PPP1R18: variants seen among roughly 807,000 people sequenced by gnomAD.
PPP1R18 encodes the protein protein phosphatase 1 regulatory subunit 18.
In PPP1R18, 31 loss-of-function variants were observed where a neutral mutation model predicts 54.8. The ratio of observed to expected loss-of-function variants is 0.57; its 90% confidence interval spans 0.43 to 0.76. The LOEUF is 0.76. PPP1R18 is among the 30% of genes least tolerant of loss of function. The probability of loss-of-function intolerance (pLI) is 0.00; values close to 1 mark genes in which losing one functional copy is unlikely to be tolerated. For synonymous variants in PPP1R18, 310 were observed against 320.2 expected, an observed-to-expected ratio of 0.97 and a Z score of 0.34; for missense variants, 685 against 776.1, an observed-to-expected ratio of 0.88 and a Z score of 1.39.
Position 30,686,249 on chromosome 6 carries a change from G to T in PPP1R18, c.-231C>A. ...GAAGAGAAGTTGTGAGCCCAAGTTG[G>T]GGGTGGTGGGGGTGATGTGAGAGGA... On this transcript the variant is annotated 5_prime_UTR_variant, in exon 1 of 3. Transcript: ENST00000274853. 1.9e-6 allele frequency: 1 copy of T among 523,754 alleles called. No individual in the cohort carries two copies. 32.4% of individuals were successfully genotyped at this position (523,754 alleles called of 1,614,324 possible).
At chr6:30,679,043 A>T in intron 2 of PPP1R18, 136 bp downstream of exon 2, 1 of 622,164 alleles carries the variant, frequency 1.6e-6, no homozygotes, top group Non-Finnish European at 2.7e-6. Context: ...CCCATCTGTT[A>T]AAGGAGCATG....
rs1026229572 is a variant in PPP1R18 at position 30,686,641 on chromosome 6, A to AG, written c.-624dup. On this transcript the variant is annotated 5_prime_UTR_variant, in exon 1 of 3. Coordinates refer to ENST00000274853, the MANE Select transcript of PPP1R18 (RefSeq NM_133471.4). Reference sequence around the variant, plus strand: ...CGGCGGCAGCAGCCGGGCGCGTCTCAGCGCGGGCCCCAAAGGTCCCGGCTC... The same window carrying AG: ...CGGCGGCAGCAGCCGGGCGCGTCTCAGGCGCGGGCCCCAAAGGTCCCGGCTC... 2 of 154,398 alleles carry AG rather than the reference A, an allele frequency of 1.3e-5. No homozygotes were observed. The highest frequency in any genetic ancestry group is 2.9e-5 in the Non-Finnish European group (2 of 69,832). The allele number at this position is 154,398 out of a possible 1,614,324, so 9.6% of individuals were successfully genotyped here.
chr6:30,678,756 C>T (rs1465842507), intron 2 of PPP1R18, among the ~76,000 whole-genome samples: 1 of 152,142 alleles, frequency 6.6e-6, no homozygotes, highest in Non-Finnish European at 1.5e-5. Context: ...AACTCCTGGG[C>T]TCAAGCGATC....
At position 30,685,101 on chromosome 6, in the gene PPP1R18, G is replaced by C; in HGVS notation, c.918C>G (p.Asn306Lys). The change falls in exon 1 of 3, where the codon AAC (asparagine) becomes AAG (lysine). Residue 306 changes from asparagine (N) to lysine (K), a missense_variant. By Grantham distance (94) the Asn-to-Lys change is moderately conservative (BLOSUM62 0). Coordinates refer to ENST00000274853, the MANE Select transcript of PPP1R18 (RefSeq NM_133471.4). This position sits in a 1 kb window ranked among gnomAD's most constrained non-coding sequence, Gnocchi z 5.0. ...SETLTREAQG[N>K]SSAGVEAAEQ... is the part of the protein sequence containing the mutation. ...CTGCTGCCTCCACTCCTGCGGAACTGTTGCCTTGGGCCTCCCTTGTCAGGG... is the reference window on the plus strand; with the variant it reads ...CTGCTGCCTCCACTCCTGCGGAACTCTTGCCTTGGGCCTCCCTTGTCAGGG... The C allele has an allele frequency of 6.2e-7, 1 of 1,613,172 alleles. No homozygotes were observed. Among genetic ancestry groups the C allele is most frequent in the Non-Finnish European group, 8.5e-7 (1 of 1,180,022 alleles).
In PPP1R18 at chr6:30,677,170, G is replaced by A; in HGVS notation, c.*99C>T. 2 of 1,186,420 alleles carry A rather than the reference G, an allele frequency of 1.7e-6. No homozygotes were observed. Among genetic ancestry groups the A allele is most frequent in the Non-Finnish European group, 1.3e-6 (1 of 791,494 alleles). 73.5% of individuals were successfully genotyped at this position (1,186,420 alleles called of 1,614,324 possible). On this transcript the variant is annotated 3_prime_UTR_variant, in exon 3 of 3. Coordinates refer to ENST00000274853, the MANE Select transcript of PPP1R18 (RefSeq NM_133471.4). ...TACAAGATGTTGGTTGCCCTTCCCTGCCAGGCTCATTATCAGGGTCTGTCT... is the reference window on the plus strand; with the variant it reads ...TACAAGATGTTGGTTGCCCTTCCCTACCAGGCTCATTATCAGGGTCTGTCT...
Position 30,677,185 on chromosome 6 carries a change from A to G in PPP1R18, c.*84T>C. On this transcript the variant is annotated 3_prime_UTR_variant, in exon 3 of 3. Transcript: ENST00000274853. ...GCCCTTCCCTGCCAGGCTCATTATC[A>G]GGGTCTGTCTGCCCTGAATCTTCCG... is the stretch of plus-strand genomic sequence containing the variant. 1.5e-6 allele frequency: 2 copies of G among 1,294,986 alleles called. No homozygotes were observed. Among genetic ancestry groups the G allele is most frequent in the Non-Finnish European group, 2.2e-6 (2 of 890,144 alleles). The allele number at this position is 1,294,986 out of a possible 1,614,324, so 80.2% of individuals were successfully genotyped here.
intron 1 of PPP1R18, among the ~76,000 whole-genome samples, chr6:30,680,211 A>G (rs1408420983): frequency 6.6e-6 from 1 of 151,682 alleles, no homozygotes; most frequent in Non-Finnish European, 1.5e-5. Flanking sequence ...GGCACAGAAA[A>G]CCCTTGGTAA....
chr6:30,679,184 A>G lies in PPP1R18; in HGVS notation c.1817T>C (p.Ile606Thr). 4 of 1,596,152 alleles carry G rather than the reference A, an allele frequency of 2.5e-6. No homozygotes were observed. The highest frequency in any genetic ancestry group is 3.4e-6 in the Non-Finnish European group (4 of 1,175,822). ...LQGGLRTKAL[I>T]VDESCRR ...CCGGCGGAGCCTCCGCTTACCCACAATCAGGGCCTTGGTGCGCAGCCCGCC... is the reference window on the plus strand; with the variant it reads ...CCGGCGGAGCCTCCGCTTACCCACAGTCAGGGCCTTGGTGCGCAGCCCGCC... The change falls in exon 2 of 3, where the codon ATT (isoleucine) becomes ACT (threonine). Residue 606 changes from isoleucine (I) to threonine (T), a missense_variant. Transcript: ENST00000274853.
In PPP1R18 at chr6:30,676,676, G is replaced by A. The variant is rs1770199148; in HGVS notation, c.*593C>T. On this transcript the variant is annotated 3_prime_UTR_variant, in exon 3 of 3. Transcript: ENST00000274853. The stretch of plus-strand genomic sequence containing the variant: ...TTCAGGTCACTCCAATGAGGAGACT[G>A]GAGGGGACAGAGGAGAGAATTCCAC... 5.2e-6 allele frequency: 1 copy of A among 192,066 alleles called. No individual in the cohort carries two copies. The highest frequency in any genetic ancestry group is 2.4e-5 in the African/African-American group (1 of 41,596). 11.9% of individuals were successfully genotyped at this position (192,066 alleles called of 1,614,324 possible).
Position 30,684,300 on chromosome 6 carries a change from A to G in PPP1R18, c.1611+108T>C. 3.5e-6 allele frequency: 4 copies of G among 1,145,396 alleles called. No individual in the cohort carries two copies. The South Asian group carries it at 6.8e-5, about 19-fold the overall frequency. 71.0% of individuals were successfully genotyped at this position (1,145,396 alleles called of 1,614,324 possible). ...AGGGTGGTGGCAGGAATTAACAAGA[A>G]AGAATAGAGGAAGACAAGAAAACAG... On this transcript the variant is annotated intron_variant, in intron 1 of 2. Coordinates refer to ENST00000274853, the MANE Select transcript of PPP1R18 (RefSeq NM_133471.4). This position sits in a 1 kb window ranked among gnomAD's most constrained non-coding sequence, Gnocchi z 6.0.
upstream of PPP1R18, chr6:30,687,535 T>C (rs1167652446): frequency 6.6e-6 from 1 of 152,446 alleles, no homozygotes. This position sits in a 1 kb window ranked among gnomAD's most constrained non-coding sequence, Gnocchi z 7.9. Context: ...CGGTGGCCCG[T>C]GACTCAGGCC....
chr6:30,679,540 T>G, intron 1 of PPP1R18, 151 bp from the exon 2 acceptor site: 4 of 561,972 alleles, frequency 7.1e-6, no homozygotes, highest in Admixed American at 3.3e-5. Flanking sequence ...TGGACTCAGG[T>G]GCCCCACTCA....
intron 1 of PPP1R18, among the ~76,000 whole-genome samples, chr6:30,680,700 G>T (rs927360349): frequency 6.6e-6 from 1 of 151,934 alleles, no homozygotes; most frequent in Non-Finnish European, 1.5e-5. Flanking sequence ...TGACACCTGG[G>T]TCCCCATGGG....
At chr6:30,680,568 C>A (rs1418232523) in intron 1 of PPP1R18, among the ~76,000 whole-genome samples, 1 of 152,100 alleles carries the variant, frequency 6.6e-6, no homozygotes, top group Non-Finnish European at 1.5e-5. Context: ...GTGGCTCACA[C>A]CTGTAGCCCC....
intron 1 of PPP1R18, among the ~76,000 whole-genome samples, chr6:30,682,283 G>A (rs918749269): frequency 1.2e-4 from 19 of 152,048 alleles, no homozygotes; most frequent in African/African-American, 3.9e-4. Context: ...GCTATATAAG[G>A]TCACAATGGG....
Position 30,684,830 on chromosome 6 carries a change from A to T in PPP1R18, c.1189T>A (p.Cys397Ser), listed in dbSNP as rs753020797. The stretch of plus-strand genomic sequence containing the variant: ...GGTGGGAGGGGGGAGGGCACAGAGC[A>T]GCAGTTCTGCAGGGCTCTCAGAGGC... ...GRPLRALQNC[C>S]SVPSPLPPED... Residue 397 changes from cysteine to serine, a missense_variant, in exon 1 of 3, where the codon TGC becomes AGC. By Grantham distance (112) the Cys-to-Ser change is moderately radical (BLOSUM62 -1). Transcript: ENST00000274853. The surrounding 1 kb of genome is among the most constrained non-coding windows in gnomAD (Gnocchi z 6.0). The T allele has an allele frequency of 6.2e-7, 1 of 1,612,754 alleles. No individual in the cohort carries two copies. Among genetic ancestry groups the T allele is most frequent in the Non-Finnish European group, 8.5e-7 (1 of 1,180,000 alleles).
At chr6:30,680,658 C>T (rs1770493318) in intron 1 of PPP1R18, among the ~76,000 whole-genome samples, 1 of 151,418 alleles carries the variant, frequency 6.6e-6, no homozygotes, top group Non-Finnish European at 1.5e-5. Flanking sequence ...GTGACACTGT[C>T]TCTAAAAAAG....
Position 30,685,172 on chromosome 6 carries a change from G to A in PPP1R18, c.847C>T (p.Pro283Ser). Residue 283 changes from proline to serine, a missense_variant, in exon 1 of 3, where the codon CCA (proline) becomes TCA (serine). Transcript: ENST00000274853. This position sits in a 1 kb window ranked among gnomAD's most constrained non-coding sequence, Gnocchi z 5.0. ...TCTTTTGGAGCTACCCCTGGAACTGGCCACTCTTCTTTTCTCCCACATTCT... is the reference window on the plus strand; with the variant it reads ...TCTTTTGGAGCTACCCCTGGAACTGACCACTCTTCTTTTCTCCCACATTCT... Reference protein sequence around the residue: ...SEECGRKEEWPVPGVAPKETA... With the variant: ...SEECGRKEEWSVPGVAPKETA... 6.2e-7 allele frequency: 1 copy of A among 1,613,062 alleles called. No homozygotes were observed. The highest frequency in any genetic ancestry group is 8.5e-7 in the Non-Finnish European group (1 of 1,180,016).
At position 30,686,451 on chromosome 6, in the gene PPP1R18, T is replaced by G; in HGVS notation, c.-433A>C. ...AGGGGAACCTGGGTGCAGGCCAGGC[T>G]GCCTCAGCGATACCCCAGGGAGGCT... On this transcript the variant is annotated 5_prime_UTR_variant, in exon 1 of 3. Transcript: ENST00000274853. 2 of 179,526 alleles carry G rather than the reference T, an allele frequency of 1.1e-5. No individual in the cohort carries two copies. The allele number at this position is 179,526 out of a possible 1,614,324, so 11.1% of individuals were successfully genotyped here.
Sources: gnomAD v4.1 joint callset for allele counts (sites outside exome capture counted in the v4.1 genomes callset) on GRCh38, gnomAD v4.1.1 for gene constraint, Gnocchi (gnomAD v3.1) non-coding constraint, MANE v1.5 for transcripts, NCBI Gene and HGNC (gene_info 2026-07-23, HGNC 2026-07-21) for gene names.